Variants in ASIC2 observed in about 807,000 individuals in gnomAD.
ASIC2 encodes acid sensing ion channel subunit 2, also known as acid-sensing ion channel 2.
ASIC2 carries 25 observed loss-of-function variants against 57.3 expected under a neutral mutation model. That is an observed-to-expected ratio of 0.44 (90% CI 0.32 to 0.61). The LOEUF is 0.61. ASIC2 is among the 20% of genes least tolerant of loss of function. ASIC2 has a pLI of 0.06. For synonymous variants in ASIC2, 319 were observed against 307.5 expected (o/e 1.04, Z -0.39); for missense variants, 641 against 738.1 (o/e 0.87, Z 1.52).
rs61267122 is a variant in ASIC2, at chr17:33,496,603, G to GTTTT, written c.556-384540_556-384537dup. Among the ~76,000 whole-genome samples the GTTTT allele has an allele frequency of 4.7e-3, 335 of 70,968 alleles. 23 individuals carry two copies. Among genetic ancestry groups the GTTTT allele is most frequent in the African/African-American group, 8.3e-3 (131 of 15,790 alleles). The allele number at this position is 70,968 out of a possible 152,430, so 46.6% of individuals were successfully genotyped here. On this transcript the variant is annotated intron_variant, in intron 1 of 9. Transcript: ENST00000359872. ...GCAGAAAAGGAAATAGTTATTGTAG[G>GTTTT]TTTTTTTTTTTTTTTTTTTTTTTTT...
At chr17:33,064,689 G>A (rs1030903978) in intron 3 of ASIC2, among the ~76,000 whole-genome samples, 25 of 152,266 alleles carry the variant, frequency 1.6e-4, no homozygotes, top group Middle Eastern at 3.4e-3. Flanking sequence ...CTCAAACTCC[G>A]TGCTGGGAGA....
chr17:33,317,349 C>T (rs936966823), intron 1 of ASIC2, among the ~76,000 whole-genome samples: 1 of 152,224 alleles, frequency 6.6e-6, no homozygotes, highest in African/African-American at 2.4e-5. Context: ...AAATGCTCTC[C>T]TGCGAAACCT....
intron 1 of ASIC2, among the ~76,000 whole-genome samples, chr17:33,163,325 G>T (rs939196388): frequency 5.3e-5 from 8 of 152,036 alleles, no homozygotes; most frequent in Admixed American, 1.3e-4. Context: ...CTCACTTCCT[G>T]CAGAGTGACT....
At chr17:33,429,144 G>A (rs1245216996) in intron 1 of ASIC2, among the ~76,000 whole-genome samples, 1 of 152,130 alleles carries the variant, frequency 6.6e-6, no homozygotes. Context: ...GTACCAACTT[G>A]CATCTGTGGG....
At chr17:33,484,618 T>A (rs1913518804) in intron 1 of ASIC2, among the ~76,000 whole-genome samples, 1 of 152,236 alleles carries the variant, frequency 6.6e-6, no homozygotes, top group Non-Finnish European at 1.5e-5. Context: ...AATTGTGTAT[T>A]TAACATTTAC....
intron 1 of ASIC2, among the ~76,000 whole-genome samples, chr17:34,089,249 T>G (rs1409658875): frequency 6.6e-6 from 1 of 152,152 alleles, no homozygotes. Context: ...CTGTCCTAGG[T>G]GCTGAAATAC....
chr17:33,234,669 G>A (rs1219886798), intron 1 of ASIC2, among the ~76,000 whole-genome samples: 1 of 152,246 alleles, frequency 6.6e-6, no homozygotes, highest in Non-Finnish European at 1.5e-5. Context: ...CAGCAGGTTG[G>A]AAGAGGGACT....
chr17:34,155,937 C>T (rs1355190844), intron 1 of ASIC2: 1 of 1,555,966 alleles, frequency 6.4e-7, no homozygotes, highest in Non-Finnish European at 8.7e-7. Flanking sequence ...CACCACTTCT[C>T]CAGAGGACCA....
intron 1 of ASIC2, among the ~76,000 whole-genome samples, chr17:33,830,890 C>A (rs550229302): frequency 4.0e-5 from 6 of 151,838 alleles, no homozygotes; most frequent in Non-Finnish European, 7.4e-5. Context: ...GTGGGTGGAT[C>A]ATCTGAGGTC....
chr17:33,764,517 T>A (rs1910877806), intron 1 of ASIC2, among the ~76,000 whole-genome samples: 1 of 149,792 alleles, frequency 6.7e-6, no homozygotes, highest in African/African-American at 2.4e-5. Flanking sequence ...AGGGAGTACA[T>A]CTGGTGGGAA....
At position 34,119,655 on chromosome 17, in the gene ASIC2, C is replaced by T. The variant is rs111347568; in HGVS notation, c.555+36323G>A. Among the ~76,000 whole-genome samples, 347 of 150,818 alleles carry T rather than the reference C, an allele frequency of 2.3e-3. 1 individual carries two copies. Among genetic ancestry groups the T allele is most frequent in the Non-Finnish European group, 3.7e-3 (249 of 67,680 alleles). On this transcript the variant is annotated intron_variant, in intron 1 of 9. Transcript: ENST00000359872. ...CACACACACACAAACACACACACAACCAGCCCTGGAAGAGCCCACTCCCCC... is the reference window on the plus strand; with the variant it reads ...CACACACACACAAACACACACACAATCAGCCCTGGAAGAGCCCACTCCCCC...
In ASIC2 at chr17:33,787,979, A is replaced by G. The variant is rs1461655268; in HGVS notation, c.555+367999T>C. ...AACCCTAGAAGAAAACGTAGGCAAT[A>G]CTATTCAGGACATAGGCATGGGCAA... On this transcript the variant is annotated intron_variant, in intron 1 of 9. Transcript: ENST00000359872. Among the ~76,000 whole-genome samples the G allele has an allele frequency of 2.0e-5, 3 of 152,212 alleles. No homozygotes were observed. In the East Asian group the frequency reaches 5.8e-4, roughly 29 times the overall value.
At chr17:33,234,148 T>A (rs1244661551) in intron 1 of ASIC2, among the ~76,000 whole-genome samples, 1 of 152,200 alleles carries the variant, frequency 6.6e-6, no homozygotes, top group Non-Finnish European at 1.5e-5. Context: ...CTGGAGCGAT[T>A]TTTTTTCTTT....
chr17:34,057,541 T>A (rs1338236315), intron 1 of ASIC2, among the ~76,000 whole-genome samples: 2 of 152,018 alleles, frequency 1.3e-5, no homozygotes, highest in Admixed American at 1.3e-4. Flanking sequence ...ACGGATATAA[T>A]CAGATATGTA....
chr17:33,101,601 T>C (rs1251948928), intron 2 of ASIC2, among the ~76,000 whole-genome samples: 1 of 152,210 alleles, frequency 6.6e-6, no homozygotes, highest in East Asian at 1.9e-4. Flanking sequence ...GTAGGAATCA[T>C]CTACAATCAT....
chr17:33,460,094 G>A (rs1438860380), intron 1 of ASIC2, among the ~76,000 whole-genome samples: 1 of 152,060 alleles, frequency 6.6e-6, no homozygotes, highest in Admixed American at 6.5e-5. Context: ...AGACATTTTT[G>A]CTTGCCTCCA....
intron 1 of ASIC2, among the ~76,000 whole-genome samples, chr17:33,494,250 C>T (rs1031323734): frequency 6.6e-6 from 1 of 152,190 alleles, no homozygotes; most frequent in Non-Finnish European, 1.5e-5. Context: ...AAGGTCTTGG[C>T]CCTGTCTTTT....
chr17:33,297,686 T>A (rs965775184), upstream of ASIC2, among the ~76,000 whole-genome samples: 20 of 151,870 alleles, frequency 1.3e-4, no homozygotes, highest in African/African-American at 4.8e-4. Context: ...TACCTGGATG[T>A]GGTGGTGCAC....
At chr17:34,074,774 CTTTCTTTCTTTT>C (rs1175725572) in intron 1 of ASIC2, among the ~76,000 whole-genome samples, 1 of 137,936 alleles carries the variant, frequency 7.2e-6, no homozygotes, top group Non-Finnish European at 1.5e-5. Context: ...TTTTTTCTTT[CTTTCTTTCTTTT>C]TTTTTTTTTT....
Sources: allele counts gnomAD v4.1 joint callset (sites outside exome capture counted in the v4.1 genomes callset), GRCh38; gene constraint gnomAD v4.1.1; transcripts MANE v1.5; gene names NCBI Gene and HGNC (gene_info 2026-07-23, HGNC 2026-07-21).